The following APOA5 variants were observed in gnomAD, a reference collection of about 807,000 sequenced individuals.
APOA5 encodes the protein apolipoprotein A5, also known as apolipoprotein A-V.
Under a neutral mutation model 31.8 loss-of-function variants are expected in APOA5, and 26 were observed. The observed-to-expected ratio is 0.82, with a 90% CI of 0.60 to 1.13. The LOEUF (loss-of-function observed/expected upper bound fraction) is 1.13. Among genes scored for constraint, APOA5 ranks in the 50% most tolerant of loss-of-function variants. APOA5 has a pLI of 0.00. For missense variants in APOA5, 450 were observed against 488.0 expected (o/e 0.92, Z 0.73); for synonymous variants, 186 against 198.5 (o/e 0.94, Z 0.53).
In APOA5 at chr11:116,789,900, C is replaced by T. The variant is rs556197262; in HGVS notation, c.*228G>A. ...ACTCATGAGCATTCCCAAATGAGCA[C>T]TGGGAGGCTGGGTTTGCAAAGCCTG... is the stretch of plus-strand genomic sequence containing the variant. On this transcript the variant is annotated 3_prime_UTR_variant, in exon 3 of 3. Transcript: ENST00000227665. 6.6e-6 allele frequency: 4 copies of T among 603,030 alleles called. No homozygotes were observed. In the Admixed American group the frequency reaches 1.1e-4, roughly 17 times the overall value. The allele number at this position is 603,030 out of a possible 1,614,324, so 37.4% of individuals were successfully genotyped here.
In APOA5 at chr11:116,791,359, G is replaced by C. The variant is rs182805541; in HGVS notation, c.161+227C>G. On this transcript the variant is annotated intron_variant, in intron 2 of 2. Transcript: ENST00000227665. ...GTCCTCCCGATTGATCCCAGGTCCCGCGCCTCAGTGAGCAAGGGGGCAACA... is the reference window on the plus strand; with the variant it reads ...GTCCTCCCGATTGATCCCAGGTCCCCCGCCTCAGTGAGCAAGGGGGCAACA... 6.7e-4 allele frequency: 470 copies of C among 702,770 alleles called. 2 individuals are homozygous for C. The East Asian group carries it at 0.011, about 16-fold the overall frequency. 43.5% of individuals were successfully genotyped at this position (702,770 alleles called of 1,614,324 possible).
Position 116,789,529 on chromosome 11 carries a change from T to TCG in APOA5, c.*598_*599insCG. 1.1e-5 allele frequency: 2 copies of TCG among 175,480 alleles called. No homozygotes were observed. The highest frequency in any genetic ancestry group is 2.5e-5 in the Non-Finnish European group (2 of 80,824). The allele number at this position is 175,480 out of a possible 1,614,324, so 10.9% of individuals were successfully genotyped here. A position where few individuals can be genotyped will look rare whatever the true frequency, so the allele number is the denominator to read the frequency against. ...TCAGTCCCTTATTTAGGTGTAGAGC[T>TCG]ATGTCAGGAAACATGGGCTCTGCCC... is the stretch of plus-strand genomic sequence containing the variant. On this transcript the variant is annotated 3_prime_UTR_variant, in exon 3 of 3. Coordinates refer to ENST00000227665, the MANE Select transcript of APOA5 (RefSeq NM_001371904.1).
In APOA5 at chr11:116,790,416, G is replaced by A. The variant is rs1940977033; in HGVS notation, c.813C>T (p.Gly271=). Residue 271 remains glycine, a synonymous_variant, in exon 3 of 3, where the codon GGC becomes GGT. Transcript: ENST00000227665. ...CCTCGGAGAGCATCTGGGGGTCCGG[G>A]CCGGCCCCTTCCTCAGTCCCAGTGC... is the stretch of plus-strand genomic sequence containing the variant. The part of the protein sequence containing the change: ...FAGTGTEEGA[G]PDPQMLSEEV... 1 of 1,607,310 alleles carries A rather than the reference G, an allele frequency of 6.2e-7. No individual in the cohort carries two copies. Among genetic ancestry groups the A allele is most frequent in the Non-Finnish European group, 8.5e-7 (1 of 1,180,008 alleles).
chr11:116,790,426 T>G lies in APOA5; in HGVS notation c.803A>C (p.Glu268Ala). Residue 268 changes from glutamate (E) to alanine (A), a missense_variant, in exon 3 of 3, where the codon GAA (glutamate) becomes GCA (alanine). Transcript: ENST00000227665. ...SRAFAGTGTEEGAGPDPQMLS... is the reference protein window; with the variant it reads ...SRAFAGTGTEAGAGPDPQMLS... ...CATCTGGGGGTCCGGGCCGGCCCCT[T>G]CCTCAGTCCCAGTGCCTGCAAAGGC... 1 of 1,606,074 alleles carries G rather than the reference T, an allele frequency of 6.2e-7. No individual in the cohort carries two copies. The highest frequency in any genetic ancestry group is 8.5e-7 in the Non-Finnish European group (1 of 1,179,984).
rs1940965991 is a variant in APOA5, at chr11:116,790,036, A to G, written c.*92T>C. ...CACAGGACCTTCCACCCTCCACCCAACAGGCCACTTTCAAGGACTGAACCA... is the reference window on the plus strand; with the variant it reads ...CACAGGACCTTCCACCCTCCACCCAGCAGGCCACTTTCAAGGACTGAACCA... On this transcript the variant is annotated 3_prime_UTR_variant, in exon 3 of 3. Coordinates refer to ENST00000227665, the MANE Select transcript of APOA5 (RefSeq NM_001371904.1). The G allele has an allele frequency of 4.2e-6, 6 of 1,412,200 alleles. 1 individual carries two copies. In the South Asian group the frequency reaches 7.4e-5, roughly 17 times the overall value. 87.5% of individuals were successfully genotyped at this position (1,412,200 alleles called of 1,614,324 possible).
intron 2 of APOA5, 134 bp downstream of exon 2, chr11:116,791,452 G>T: frequency 2.0e-6 from 2 of 988,514 alleles, no homozygotes; most frequent in Non-Finnish European, 3.1e-6. Context: ...GCCGGGATCT[G>T]CAGACAGAGC....
chr11:116,791,755 G>A (rs975651490), intron 1 of APOA5, 57 bp downstream of exon 1: 11 of 1,613,376 alleles, frequency 6.8e-6, no homozygotes, highest in African/African-American at 2.7e-5. Context: ...GGTGGACAGG[G>A]CCCTCTGGCC....
At position 116,791,659 on chromosome 11, in the gene APOA5, A is replaced by G. The variant is rs935117831; in HGVS notation, c.88T>C (p.Tyr30His). 4 of 1,610,936 alleles carry G rather than the reference A, an allele frequency of 2.5e-6. No homozygotes were observed. The highest frequency in any genetic ancestry group is 3.4e-6 in the Non-Finnish European group (4 of 1,178,504). Reference protein sequence around the residue: ...ATQARKGFWDYFSQTSGDKGR... With the variant: ...ATQARKGFWDHFSQTSGDKGR... The stretch of plus-strand genomic sequence containing the variant: ...TTGTCCCCGCTGGTCTGGCTGAAGT[A>G]GTCCCAGAAGCCTTTCCGTGCCTGG... The change falls in exon 2 of 3, where the codon TAC (tyrosine) becomes CAC (histidine). Residue 30 changes from tyrosine to histidine, a missense_variant. Tyr to His is a moderately conservative substitution (Grantham distance 83, BLOSUM62 2). Coordinates refer to ENST00000227665, the MANE Select transcript of APOA5 (RefSeq NM_001371904.1).
chr11:116,791,490 C>T, intron 2 of APOA5, 96 bp downstream of exon 2: 1 of 1,257,978 alleles, frequency 7.9e-7, no homozygotes, highest in East Asian at 2.5e-5. Flanking sequence ...TCTGTCCCAG[C>T]AGCGGCCACA....
chr11:116,791,741 C>A, intron 1 of APOA5, 44 bp from the exon 2 acceptor site: 1 of 1,612,564 alleles, frequency 6.2e-7, no homozygotes, highest in East Asian at 2.2e-5. Context: ...CTCTCCTCCC[C>A]CAGGGTGGAC....
In APOA5 at chr11:116,790,473, C is replaced by G. The variant is rs1240527836; in HGVS notation, c.756G>C (p.Gln252His). The change falls in exon 3 of 3, where the codon CAG becomes CAC. Residue 252 changes from glutamine to histidine, a missense_variant. Gln to His is a conservative substitution (Grantham distance 24). Coordinates refer to ENST00000227665, the MANE Select transcript of APOA5 (RefSeq NM_001371904.1). Reference sequence around the variant, plus strand: ...AGGCTCTGCTGAGCTCTTCGCGCAGCTGGTCCAGGTTCTGCTGGATGCGTG... The same window carrying G: ...AGGCTCTGCTGAGCTCTTCGCGCAGGTGGTCCAGGTTCTGCTGGATGCGTG... Reference protein sequence around the residue: ...LHARIQQNLDQLREELSRAFA... With the variant: ...LHARIQQNLDHLREELSRAFA... 2 of 1,602,914 alleles carry G rather than the reference C, an allele frequency of 1.2e-6. No homozygotes were observed. The highest frequency in any genetic ancestry group is 1.7e-4 in the Middle Eastern group (1 of 6,044).
chr11:116,790,597 C>A lies in APOA5; in HGVS notation c.632G>T (p.Arg211Leu), dbSNP rs747958115. ...GIGRHVQELH[R>L]SVAPHAPASP... ...GGCGGGGGCGTGCGGAGCCACACTG[C>A]GGTGCAGCTCCTGCACGTGGCGCCC... Residue 211 changes from arginine to leucine, a missense_variant, in exon 3 of 3, where the codon CGC becomes CTC. Coordinates refer to ENST00000227665, the MANE Select transcript of APOA5 (RefSeq NM_001371904.1). The A allele has an allele frequency of 9.3e-6, 15 of 1,604,600 alleles. No individual in the cohort carries two copies. The highest frequency in any genetic ancestry group is 1.0e-5 in the Non-Finnish European group (12 of 1,179,078).
chr11:116,792,045 A>G, upstream of APOA5: 1 of 669,966 alleles, frequency 1.5e-6, no homozygotes, highest in South Asian at 1.7e-5. Flanking sequence ...TAGGTGAGTC[A>G]AGGAGGCTAG....
In APOA5 at chr11:116,790,230, ACTGT is replaced by A; in HGVS notation, c.995_998del (p.Asp332ValfsTer5). Reference sequence around the variant, plus strand: ...CCTGCAGCTTGCTCAGAACCTTGCCACTGTCTGTTTGTTGAAACTCTGGGGCGAA... The same window carrying A: ...CCTGCAGCTTGCTCAGAACCTTGCCACTGTTTGTTGAAACTCTGGGGCGAA... On this transcript the variant is annotated frameshift_variant, in exon 3 of 3. Coordinates refer to ENST00000227665, the MANE Select transcript of APOA5 (RefSeq NM_001371904.1). LOFTEE classifies it high-confidence loss of function. The A allele has an allele frequency of 1.2e-6, 2 of 1,614,196 alleles. No individual in the cohort carries two copies. The highest frequency in any genetic ancestry group is 1.7e-6 in the Non-Finnish European group (2 of 1,180,018).
intron 1 of APOA5, 57 bp from the exon 2 acceptor site, chr11:116,791,754 G>T: frequency 6.2e-7 from 1 of 1,613,310 alleles, no homozygotes; most frequent in South Asian, 1.1e-5. Context: ...GGGTGGACAG[G>T]GCCCTCTGGC....
At position 116,790,736 on chromosome 11, in the gene APOA5, C is replaced by T; in HGVS notation, c.493G>A (p.Gly165Ser). The T allele has an allele frequency of 6.2e-7, 1 of 1,613,138 alleles. No individual in the cohort carries two copies. Residue 165 changes from glycine to serine, a missense_variant, in exon 3 of 3, where the codon GGC (glycine) becomes AGC (serine). By Grantham distance (56) the Gly-to-Ser change is moderately conservative. Coordinates refer to ENST00000227665, the MANE Select transcript of APOA5 (RefSeq NM_001371904.1). ...AGCAAAGCCCAAGCCTCGTCCACGC[C>T]CCCCAGCAACTGGGCCTTGGTGTCT... ...GEDTKAQLLG[G>S]VDEAWALLQG...
rs754017703 is a variant in APOA5, at chr11:116,790,503, C to T, written c.726G>A (p.Leu242=). The change falls in exon 3 of 3, where the codon CTG becomes CTA. Residue 242 remains leucine (L), a synonymous_variant. Coordinates refer to ENST00000227665, the MANE Select transcript of APOA5 (RefSeq NM_001371904.1). ...CCAGGTTCTGCTGGATGCGTGCGTGCAGGGCCTTGGCCTTGAGCGTGAGCT... is the reference window on the plus strand; with the variant it reads ...CCAGGTTCTGCTGGATGCGTGCGTGTAGGGCCTTGGCCTTGAGCGTGAGCT... The part of the protein sequence containing the change: ...SRKLTLKAKA[L]HARIQQNLDQ... The T allele has an allele frequency of 2.5e-6, 4 of 1,601,332 alleles. No individual in the cohort carries two copies. In the South Asian group the frequency reaches 4.4e-5, roughly 18 times the overall value.
rs1940995064 is a variant in APOA5, at chr11:116,790,797, C to T, written c.432G>A (p.Val144=). ...MDLMEQVALR[V]QELQEQLRVV... ...CGCGCAACTGCTCCTGCAGCTCCTG[C>T]ACGCGCAGGGCCACCTGCTCCATCA... The change falls in exon 3 of 3, where the codon GTG becomes GTA. Residue 144 remains valine, a synonymous_variant. Coordinates refer to ENST00000227665, the MANE Select transcript of APOA5 (RefSeq NM_001371904.1). The T allele has an allele frequency of 1.9e-6, 3 of 1,613,638 alleles. No individual in the cohort carries two copies.
At position 116,790,667 on chromosome 11, in the gene APOA5, T is replaced by C. The variant is rs1940990441; in HGVS notation, c.562A>G (p.Lys188Glu). 4 of 1,612,388 alleles carry C rather than the reference T, an allele frequency of 2.5e-6. No homozygotes were observed. Among genetic ancestry groups the C allele is most frequent in the South Asian group, 1.1e-5 (1 of 91,074 alleles). The change falls in exon 3 of 3, where the codon AAA (lysine) becomes GAA (glutamate). Residue 188 changes from lysine to glutamate, a missense_variant. By Grantham distance (56) the Lys-to-Glu change is moderately conservative. Transcript: ENST00000227665. ...SRVVHHTGRF[K>E]ELFHPYAESL... ...TCGGCGTATGGGTGGAAGAGCTCTT[T>C]GAAGCGGCCGGTGTGGTGCACCACG...
Sources: gnomAD v4.1 joint callset for allele counts on GRCh38, gnomAD v4.1.1 for gene constraint, MANE v1.5 for transcripts, NCBI Gene and HGNC (gene_info 2026-07-23, HGNC 2026-07-21) for gene names.